PRKAG2: variants seen among roughly 807,000 people sequenced by gnomAD.
PRKAG2 encodes the protein 5'-AMP-activated protein kinase subunit gamma-2.
In PRKAG2, 26 loss-of-function variants were observed where a neutral mutation model predicts 69.6. That is an observed-to-expected ratio of 0.37 (90% CI 0.27 to 0.52). The LOEUF (loss-of-function observed/expected upper bound fraction) is 0.52, where lower values mean the gene tolerates loss of function less well. PRKAG2 is among the 20% of genes least tolerant of loss of function. PRKAG2 has a pLI of 0.90. For missense variants in PRKAG2, 557 were observed against 740.0 expected (o/e 0.75, Z 2.87); for synonymous variants, 293 against 285.0 (o/e 1.03, Z -0.28).
intron 3 of PRKAG2, among the ~76,000 whole-genome samples, chr7:151,731,946 T>C (rs1300836182): frequency 6.6e-6 from 1 of 152,004 alleles, no homozygotes; most frequent in East Asian, 1.9e-4. Flanking sequence ...CAAGTGATCC[T>C]CCCACCTTAG....
rs569458778 is a variant in PRKAG2, at chr7:151,750,894, T to A, written c.466+30258A>T. ...ACCCTGTCTCCAAAAAAAAAAAAAATTTGTTAAGGTGCTAAATTACATATT... is the reference window on the plus strand; with the variant it reads ...ACCCTGTCTCCAAAAAAAAAAAAAAATTGTTAAGGTGCTAAATTACATATT... On this transcript the variant is annotated intron_variant, in intron 3 of 15. Coordinates refer to ENST00000287878, the MANE Select transcript of PRKAG2 (RefSeq NM_016203.4). Among the ~76,000 whole-genome samples, 17 of 151,058 alleles carry A rather than the reference T, an allele frequency of 1.1e-4. No homozygotes were observed. In the East Asian group the frequency reaches 3.3e-3, roughly 30 times the overall value.
intron 1 of PRKAG2, among the ~76,000 whole-genome samples, chr7:151,841,912 G>C (rs938514469): frequency 6.0e-5 from 9 of 149,118 alleles, no homozygotes; most frequent in African/African-American, 2.2e-4. Flanking sequence ...TGATGGTAGT[G>C]ATGGTAGGTA....
At chr7:151,564,734 T>C (rs1805832723) in intron 13 of PRKAG2, among the ~76,000 whole-genome samples, 2 of 151,438 alleles carry the variant, frequency 1.3e-5, no homozygotes, top group Admixed American at 1.3e-4. Flanking sequence ...TGGATCCAAA[T>C]GGCTTCATGG....
At chr7:151,705,709 A>G (rs904263309) in intron 3 of PRKAG2, among the ~76,000 whole-genome samples, 3 of 152,080 alleles carry the variant, frequency 2.0e-5, no homozygotes, top group East Asian at 1.9e-4. Context: ...CTGCTCTTCA[A>G]ATTAATTTCA....
Position 151,764,821 on chromosome 7 carries a change from A to G in PRKAG2, c.466+16331T>C, listed in dbSNP as rs571344224. 2.6e-5 allele frequency among the ~76,000 whole-genome samples: 4 copies of G among 152,362 alleles called. No homozygotes were observed. The South Asian group carries it at 8.3e-4, about 32-fold the overall frequency. On this transcript the variant is annotated intron_variant, in intron 3 of 15. Coordinates refer to ENST00000287878, the MANE Select transcript of PRKAG2 (RefSeq NM_016203.4). ...TGGGGGTAAGGCCTCAAGGTTGTAGAGAGACAGGGACTCCTTCCCCATCTG... is the reference window on the plus strand; with the variant it reads ...TGGGGGTAAGGCCTCAAGGTTGTAGGGAGACAGGGACTCCTTCCCCATCTG...
intron 1 of PRKAG2, among the ~76,000 whole-genome samples, chr7:151,855,255 C>T (rs1404451690): frequency 2.1e-5 from 3 of 139,924 alleles, no homozygotes; most frequent in African/African-American, 5.3e-5. Flanking sequence ...CACACACCAC[C>T]CTCCACACAC....
rs10274750 is a variant in PRKAG2, at chr7:151,692,990, G to A, written c.467-17353C>T. Among the ~76,000 whole-genome samples the A allele has an allele frequency of 9.2e-3, 1,405 of 152,266 alleles. 14 individuals carry two copies. Among genetic ancestry groups the A allele is most frequent in the African/African-American group, 0.032 (1,344 of 41,542 alleles). On this transcript the variant is annotated intron_variant, in intron 3 of 15. Coordinates refer to ENST00000287878, the MANE Select transcript of PRKAG2 (RefSeq NM_016203.4). Reference sequence around the variant, plus strand: ...GCTGTGCTCACACAGCCTGTACCCTGCCTTCCCCTGCTGTTGGGAGAAGGG... The same window carrying A: ...GCTGTGCTCACACAGCCTGTACCCTACCTTCCCCTGCTGTTGGGAGAAGGG...
chr7:151,864,347 C>T (rs910039992), intron 1 of PRKAG2, among the ~76,000 whole-genome samples: 9 of 152,208 alleles, frequency 5.9e-5, no homozygotes, highest in African/African-American at 2.2e-4. Flanking sequence ...AGCCATGCGA[C>T]GTGGCAGGTC....
At chr7:151,842,206 T>C (rs1463613534) in intron 1 of PRKAG2, among the ~76,000 whole-genome samples, 1 of 128,818 alleles carries the variant, frequency 7.8e-6, no homozygotes, top group Non-Finnish European at 1.6e-5. Flanking sequence ...TAGGTAGGGA[T>C]GGTAGTGATG....
chr7:151,664,826 G>A (rs565002817), intron 4 of PRKAG2, among the ~76,000 whole-genome samples: 1 of 152,328 alleles, frequency 6.6e-6, no homozygotes, highest in African/African-American at 2.4e-5. Context: ...CCTCACCCAG[G>A]TGAAGGCAGG....
intron 4 of PRKAG2, among the ~76,000 whole-genome samples, chr7:151,656,000 T>A (rs1316379621): frequency 6.6e-6 from 1 of 152,218 alleles, no homozygotes; most frequent in Non-Finnish European, 1.5e-5. Context: ...TAAATTTCAT[T>A]AACAGCAATA....
rs540589599 is a variant in PRKAG2, at chr7:151,569,921, G to A, written c.1106+250C>T. ...ATCTGCAATTTCAACACGCCCCCCA[G>A]ATTGGCCGAGATCTTCGTGATGGTT... On this transcript the variant is annotated intron_variant, in intron 10 of 15. Coordinates refer to ENST00000287878, the MANE Select transcript of PRKAG2 (RefSeq NM_016203.4). Among the ~76,000 whole-genome samples the A allele has an allele frequency of 2.0e-5, 3 of 152,320 alleles. No individual in the cohort carries two copies. The South Asian group carries it at 6.2e-4, about 32-fold the overall frequency.
At chr7:151,822,713 G>A (rs888672798) in intron 1 of PRKAG2, among the ~76,000 whole-genome samples, 5 of 152,138 alleles carry the variant, frequency 3.3e-5, no homozygotes, top group Non-Finnish European at 5.9e-5. Context: ...TGACAGACAC[G>A]CTTAGTGCAA....
intron 4 of PRKAG2, among the ~76,000 whole-genome samples, chr7:151,673,474 C>T (rs753766907): frequency 2.6e-5 from 4 of 152,176 alleles, no homozygotes; most frequent in African/African-American, 4.8e-5. Flanking sequence ...CCGGCGAAAC[C>T]GCTCTCCCCC....
At position 151,640,823 on chromosome 7, in the gene PRKAG2, C is replaced by A. The variant is rs370813672; in HGVS notation, c.685-8685G>T. 6.8e-4 allele frequency among the ~76,000 whole-genome samples: 103 copies of A among 152,286 alleles called. 1 individual carries two copies. In the Middle Eastern group the frequency reaches 0.024, roughly 35 times the overall value. ...GTCCCACATTGCTCTCTGAAGGGAA[C>A]GAATGACTCATCATCCTTGTATTGC... On this transcript the variant is annotated intron_variant, in intron 4 of 15. Transcript: ENST00000287878.
At chr7:151,736,467 T>C in intron 3 of PRKAG2, 1 of 887,520 alleles carries the variant, frequency 1.1e-6, no homozygotes, top group Non-Finnish European at 1.3e-6. Flanking sequence ...CTGCAAGTCA[T>C]GTGCAGCCGT....
chr7:151,560,146 A>G, intron 15 of PRKAG2: 3 of 985,442 alleles, frequency 3.0e-6, no homozygotes, highest in Non-Finnish European at 3.6e-6. Flanking sequence ...CTTTAAGGAA[A>G]GATGAAGGTA....
intron 1 of PRKAG2, among the ~76,000 whole-genome samples, chr7:151,841,078 T>C (rs1043072600): frequency 1.3e-5 from 2 of 152,196 alleles, no homozygotes; most frequent in African/African-American, 4.8e-5. Context: ...ACCCTTGGCC[T>C]CCTGGATTCA....
chr7:151,656,967 T>C (rs1015363012), intron 4 of PRKAG2, among the ~76,000 whole-genome samples: 7 of 152,030 alleles, frequency 4.6e-5, no homozygotes, highest in South Asian at 2.1e-4. Context: ...TGAAACCCCA[T>C]CTCTACTAAA....
Sources: gnomAD v4.1 joint callset for allele counts (sites outside exome capture counted in the v4.1 genomes callset) on GRCh38, gnomAD v4.1.1 for gene constraint, MANE v1.5 for transcripts, NCBI Gene and HGNC (gene_info 2026-07-23, HGNC 2026-07-21) for gene names.